The following CHODL variants were observed in gnomAD, a reference collection of about 807,000 sequenced individuals.
The protein encoded by CHODL is chondrolectin.
In CHODL, 29 loss-of-function variants were observed where a neutral mutation model predicts 34.5. That is an observed-to-expected ratio of 0.84 (90% CI 0.63 to 1.15). CHODL has a LOEUF of 1.15. Ranked by LOEUF, CHODL falls within the 50% of genes most tolerant of loss-of-function variation. The probability of loss-of-function intolerance (pLI) is 0.00; values close to 1 mark genes in which losing one functional copy is unlikely to be tolerated. For synonymous variants in CHODL, 125 were observed against 116.1 expected (o/e 1.08, Z -0.49); for missense variants, 332 against 332.5 (o/e 1.00, Z 0.01).
chr21:18,162,292 G>T (rs760521198), intron 2 of CHODL, among the ~76,000 whole-genome samples: 1 of 152,078 alleles, frequency 6.6e-6, no homozygotes, highest in Non-Finnish European at 1.5e-5. Flanking sequence ...TCTGAGGGCC[G>T]TGAGGAAGAA....
intron 1 of CHODL, among the ~76,000 whole-genome samples, chr21:18,016,041 C>G (rs1356396381): frequency 6.6e-6 from 1 of 152,210 alleles, no homozygotes. Context: ...AAAAACCCAT[C>G]TTTCTGGGGA....
At chr21:18,004,386 A>T (rs2063940374) in intron 1 of CHODL, among the ~76,000 whole-genome samples, 1 of 152,222 alleles carries the variant, frequency 6.6e-6, no homozygotes, top group Admixed American at 6.5e-5. Context: ...TACTACATTA[A>T]ATCTTTCTCA....
chr21:18,147,494 A>T (rs1052602404), intron 2 of CHODL, among the ~76,000 whole-genome samples: 7 of 152,238 alleles, frequency 4.6e-5, no homozygotes, highest in African/African-American at 1.4e-4. Flanking sequence ...TAGAGAAAGC[A>T]ATTCTTTTCA....
chr21:18,240,878 A>C (rs1350221157), upstream of CHODL, among the ~76,000 whole-genome samples: 1 of 152,160 alleles, frequency 6.6e-6, no homozygotes, highest in African/African-American at 2.4e-5. Context: ...CATGCAACAG[A>C]CTGAACAGTT....
At chr21:18,042,577 G>C (rs1474300227) in intron 2 of CHODL, among the ~76,000 whole-genome samples, 2 of 151,926 alleles carry the variant, frequency 1.3e-5, no homozygotes, top group African/African-American at 4.8e-5. Flanking sequence ...TACAGTTCAG[G>C]TGCTCTAAAC....
chr21:18,189,916 T>C (rs2073491445), intron 2 of CHODL, among the ~76,000 whole-genome samples: 1 of 152,154 alleles, frequency 6.6e-6, no homozygotes, highest in African/African-American at 2.4e-5. Context: ...ATTACAGGCA[T>C]GAGCCACCAC....
intron 2 of CHODL, among the ~76,000 whole-genome samples, chr21:18,167,472 G>A (rs1174052704): frequency 6.6e-6 from 1 of 151,618 alleles, no homozygotes; most frequent in African/African-American, 2.4e-5. Context: ...ACCACGCCCG[G>A]CTAATTTTTT....
At chr21:18,201,755 G>A (rs1252466312) in intron 2 of CHODL, among the ~76,000 whole-genome samples, 1 of 149,186 alleles carries the variant, frequency 6.7e-6, no homozygotes, top group African/African-American at 2.5e-5. Flanking sequence ...TTATAGACCA[G>A]CAAAAGACAG....
At chr21:18,074,924 G>A (rs1158354246) in intron 2 of CHODL, among the ~76,000 whole-genome samples, 4 of 152,272 alleles carry the variant, frequency 2.6e-5, no homozygotes, top group South Asian at 4.1e-4. Context: ...CAGATGTAAC[G>A]AAGGATGTCT....
chr21:18,242,971 A>G (rs2074096007), upstream of CHODL, among the ~76,000 whole-genome samples: 1 of 152,180 alleles, frequency 6.6e-6, no homozygotes, highest in Non-Finnish European at 1.5e-5. Flanking sequence ...TTCCCAAAGA[A>G]GGACCTGTTT....
intron 1 of CHODL, among the ~76,000 whole-genome samples, chr21:17,982,311 T>C (rs1028453837): frequency 3.3e-5 from 5 of 152,184 alleles, no homozygotes; most frequent in African/African-American, 1.2e-4. Flanking sequence ...TTGACTAAGT[T>C]TTACTTGGGT....
chr21:18,058,390 T>C (rs1432406836), intron 2 of CHODL, among the ~76,000 whole-genome samples: 1 of 152,158 alleles, frequency 6.6e-6, no homozygotes, highest in African/African-American at 2.4e-5. Flanking sequence ...ATCAAAGAGA[T>C]AGCTGCATCC....
intron 2 of CHODL, among the ~76,000 whole-genome samples, chr21:18,089,461 A>C (rs1043450462): frequency 1.6e-4 from 24 of 152,318 alleles, no homozygotes; most frequent in African/African-American, 5.8e-4. Flanking sequence ...GCTCTAAATC[A>C]TGCTAGCCAA....
intron 4 of CHODL, among the ~76,000 whole-genome samples, chr21:18,262,308 G>T (rs982721938): frequency 3.2e-4 from 48 of 152,098 alleles, no homozygotes; most frequent in Admixed American, 3.1e-3. Flanking sequence ...GCACCATTAG[G>T]CAATTTTGTC....
intron 2 of CHODL, among the ~76,000 whole-genome samples, chr21:18,093,333 C>G (rs1053778780): frequency 2.0e-5 from 3 of 152,046 alleles, no homozygotes; most frequent in Admixed American, 6.6e-5. Context: ...TACAAGAAAT[C>G]TAAAGGGAGT....
chr21:18,052,770 C>T (rs531978375), intron 2 of CHODL, among the ~76,000 whole-genome samples: 53 of 151,992 alleles, frequency 3.5e-4, no homozygotes, highest in African/African-American at 1.2e-3. Flanking sequence ...AGGGAAACAT[C>T]TCTGACCAAT....
In CHODL at chr21:18,072,328, A is replaced by C. The variant is rs2064815799; in HGVS notation, c.-45+44357A>C. On this transcript the variant is annotated intron_variant, in intron 2 of 6. Transcript: ENST00000400127. ...ACAATGCACTTAGTGATGAGCATTA[A>C]AAAGCCCACTTATAATTTGTCATTA... is the stretch of plus-strand genomic sequence containing the variant. 2.0e-5 allele frequency among the ~76,000 whole-genome samples: 3 copies of C among 152,260 alleles called. No individual in the cohort carries two copies. In the South Asian group the frequency reaches 6.2e-4, roughly 32 times the overall value.
At chr21:17,920,610 G>A (rs1295389041) in intron 1 of CHODL, among the ~76,000 whole-genome samples, 6 of 150,736 alleles carry the variant, frequency 4.0e-5, no homozygotes, top group African/African-American at 5.0e-5. Flanking sequence ...AAACTCACAA[G>A]TTGTTGTAAG....
intron 2 of CHODL, among the ~76,000 whole-genome samples, chr21:18,175,958 A>C (rs2073305113): frequency 6.6e-6 from 1 of 152,188 alleles, no homozygotes; most frequent in African/African-American, 2.4e-5. Context: ...AAGGGATTAG[A>C]AGTTCAGTTT....
Sources: allele counts gnomAD v4.1 joint callset (sites outside exome capture counted in the v4.1 genomes callset), GRCh38; gene constraint gnomAD v4.1.1; transcripts MANE v1.5; gene names NCBI Gene and HGNC (gene_info 2026-07-23, HGNC 2026-07-21).